Variants in PDCD6 observed in about 807,000 individuals in gnomAD.
PDCD6 encodes programmed cell death protein 6.
In PDCD6, 12 loss-of-function variants were observed where a neutral mutation model predicts 28.3. The ratio of observed to expected loss-of-function variants is 0.42; its 90% CI spans 0.27 to 0.69. The LOEUF (loss-of-function observed/expected upper bound fraction) is 0.69, where lower values mean the gene tolerates loss of function less well. PDCD6 is among the 30% of genes least tolerant of loss of function. The pLI is 0.22. For synonymous variants in PDCD6, 92 were observed against 108.0 expected (o/e 0.85, Z 0.92); for missense variants, 226 against 269.9 (o/e 0.84, Z 1.14).
intron 2 of PDCD6, chr5:289,835 C>G: frequency 6.9e-7 from 1 of 1,449,556 alleles, no homozygotes; most frequent in Non-Finnish European, 9.7e-7. Context: ...TTAGACCTCT[C>G]AGGATAGCTT....
At chr5:306,528 A>C (rs963699477) in intron 3 of PDCD6, 74 bp from the exon 4 acceptor site, 1 of 1,534,280 alleles carries the variant, frequency 6.5e-7, no homozygotes, top group Admixed American at 1.7e-5. Flanking sequence ...CTGAGGGCTG[A>C]GGTCTGGTGG....
chr5:279,649 G>A (rs1738436299), intron 2 of PDCD6, among the ~76,000 whole-genome samples: 1 of 151,922 alleles, frequency 6.6e-6, no homozygotes, highest in South Asian at 2.1e-4. Flanking sequence ...GACAATGTGT[G>A]GGAAGGTGGA....
chr5:278,391 T>G (rs1293831967), intron 2 of PDCD6, among the ~76,000 whole-genome samples: 1 of 151,700 alleles, frequency 6.6e-6, no homozygotes, highest in Non-Finnish European at 1.5e-5. Flanking sequence ...CCTTAGTATA[T>G]TAGAAGATTC....
At chr5:276,309 T>C (rs1196406889) in intron 2 of PDCD6, 1 of 1,103,250 alleles carries the variant, frequency 9.1e-7, no homozygotes, top group Non-Finnish European at 1.1e-6. Context: ...TATGCACCTT[T>C]TTCCTCATCG....
At chr5:314,341 C>T (rs1041813929) in intron 5 of PDCD6, 76 bp from the exon 6 acceptor site, 7 of 1,028,948 alleles carry the variant, frequency 6.8e-6, no homozygotes, top group Admixed American at 1.8e-5. Flanking sequence ...GAAATTGGGT[C>T]CCTACATGCC....
At chr5:310,985 T>A (rs1360225249) in intron 4 of PDCD6, 1 of 319,136 alleles carries the variant, frequency 3.1e-6, no homozygotes, top group East Asian at 8.8e-5. Flanking sequence ...TGGTGTTTGG[T>A]GAGTGCTTCC....
intron 5 of PDCD6, among the ~76,000 whole-genome samples, chr5:314,202 C>T (rs376707977): frequency 9.2e-5 from 14 of 152,314 alleles, no homozygotes; most frequent in African/African-American, 1.7e-4. Context: ...GCTGGATGTC[C>T]GGAGCCAGCC....
At chr5:274,793 TC>T (rs1446361784) in intron 2 of PDCD6, among the ~76,000 whole-genome samples, 1 of 151,970 alleles carries the variant, frequency 6.6e-6, no homozygotes, top group African/African-American at 2.4e-5. Flanking sequence ...AGGGAGTTAG[TC>T]CTGCCCCAGT....
At chr5:295,458 A>C (rs560143667) in intron 2 of PDCD6, among the ~76,000 whole-genome samples, 306 of 150,760 alleles carry the variant, frequency 2.0e-3, no homozygotes, top group Non-Finnish European at 3.2e-3. Context: ...AATTAAAGCA[A>C]TATAGTAAAA....
At chr5:278,826 A>T (rs1738374915) in intron 2 of PDCD6, among the ~76,000 whole-genome samples, 1 of 141,326 alleles carries the variant, frequency 7.1e-6, no homozygotes, top group Non-Finnish European at 1.5e-5. Flanking sequence ...GGTGCTGGGG[A>T]CACAGGAGGG....
At chr5:282,885 C>G (rs576383972) in intron 2 of PDCD6, among the ~76,000 whole-genome samples, 1 of 151,638 alleles carries the variant, frequency 6.6e-6, no homozygotes, top group Admixed American at 6.6e-5. Flanking sequence ...CAGCTGAAGT[C>G]TCGGGGATGA....
chr5:280,542 A>ATGCTCAAGTG (rs1444950635), intron 2 of PDCD6, among the ~76,000 whole-genome samples: 3 of 148,010 alleles, frequency 2.0e-5, no homozygotes, highest in African/African-American at 5.0e-5. Context: ...GCTGGCATTT[A>ATGCTCAAGTG]AGAGGGGAGA....
intron 2 of PDCD6, among the ~76,000 whole-genome samples, chr5:292,056 A>G (rs545025424): frequency 2.0e-4 from 31 of 152,142 alleles, no homozygotes; most frequent in African/African-American, 6.7e-4. Context: ...ATTCTCCCCA[A>G]CACTGGCATG....
Position 314,903 on chromosome 5 carries a change from C to CT in PDCD6, c.*394dup, listed in dbSNP as rs977391266. Reference sequence around the variant, plus strand: ...CACAAAAGGCTTTTCATGTGCCTTACTTTTTTAAAAAGGAGTTTATTGTAT... The same window carrying CT: ...CACAAAAGGCTTTTCATGTGCCTTACTTTTTTTAAAAAGGAGTTTATTGTAT... On this transcript the variant is annotated 3_prime_UTR_variant, in exon 6 of 6. Coordinates refer to ENST00000264933, the MANE Select transcript of PDCD6 (RefSeq NM_013232.4). 5.9e-6 allele frequency: 2 copies of CT among 337,380 alleles called. No homozygotes were observed. The highest frequency in any genetic ancestry group is 2.1e-5 in the African/African-American group (1 of 46,628). 20.9% of individuals were successfully genotyped at this position (337,380 alleles called of 1,614,324 possible). A position where few individuals can be genotyped will look rare whatever the true frequency, so the allele number is the denominator to read the frequency against.
rs935237667 is a variant in PDCD6, at chr5:314,584, G to T, written c.*69G>T. 2.7e-6 allele frequency: 3 copies of T among 1,106,300 alleles called. No individual in the cohort carries two copies. Among genetic ancestry groups the T allele is most frequent in the South Asian group, 2.5e-5 (2 of 79,714 alleles). The allele number at this position is 1,106,300 out of a possible 1,614,324, so 68.5% of individuals were successfully genotyped here. A position where few individuals can be genotyped will look rare whatever the true frequency, so the allele number is the denominator to read the frequency against. On this transcript the variant is annotated 3_prime_UTR_variant, in exon 6 of 6. Transcript: ENST00000264933. ...AATGTCACAGTTCCTATCTGTGAGG[G>T]AATGGAGCACAGGTGCAGTTAGATG...
At chr5:311,460 C>T (rs956508663) in intron 5 of PDCD6, 58 bp downstream of exon 5, 20 of 1,104,998 alleles carry the variant, frequency 1.8e-5, no homozygotes, top group South Asian at 1.0e-4. Flanking sequence ...TGCTTGCCAG[C>T]GTGATGCACC....
intron 4 of PDCD6, 159 bp from the exon 5 acceptor site, chr5:311,134 C>T (rs911378315): frequency 4.5e-6 from 3 of 661,440 alleles, no homozygotes; most frequent in Non-Finnish European, 8.3e-6. Flanking sequence ...CGGGAAGTGT[C>T]TCAGTTCTGA....
In PDCD6 at chr5:271,827, G is replaced by A. The variant is rs1206408061; in HGVS notation, c.101+6G>A. ...CTGTGGAACGTTTTCCAGAGGTGCG[G>A]CCTGGCACCGCCCGGGCACCTCCCG... is the stretch of plus-strand genomic sequence containing the variant. On this transcript the variant is annotated splice_donor_region_variant and intron_variant, in intron 1 of 5. Coordinates refer to ENST00000264933, the MANE Select transcript of PDCD6 (RefSeq NM_013232.4). 1.4e-6 allele frequency: 2 copies of A among 1,391,416 alleles called. No homozygotes were observed. Among genetic ancestry groups the A allele is most frequent in the Non-Finnish European group, 9.4e-7 (1 of 1,068,124 alleles). 86.2% of individuals were successfully genotyped at this position (1,391,416 alleles called of 1,614,324 possible).
intron 2 of PDCD6, chr5:289,233 G>T: frequency 1.6e-6 from 1 of 621,282 alleles, no homozygotes; most frequent in South Asian, 2.3e-5. Flanking sequence ...GAATTCTGAT[G>T]TTCTATAATT....
Sources: gnomAD v4.1 joint callset for allele counts (sites outside exome capture counted in the v4.1 genomes callset) on GRCh38, gnomAD v4.1.1 for gene constraint, MANE v1.5 for transcripts, NCBI Gene and HGNC (gene_info 2026-07-23, HGNC 2026-07-21) for gene names.